Variants in NIPSNAP1 observed in about 807,000 individuals in gnomAD.
NIPSNAP1 encodes the protein nipsnap homolog 1, also known as protein NipSnap homolog 1.
NIPSNAP1 carries 25 observed loss-of-function variants against 49.2 expected under a neutral mutation model. That is an observed-to-expected ratio of 0.51 (90% CI 0.37 to 0.71). The LOEUF (loss-of-function observed/expected upper bound fraction) is 0.71, where lower values mean the gene tolerates loss of function less well. Ranked by LOEUF, NIPSNAP1 falls within the 30% of genes least tolerant of loss-of-function variation. The pLI is 0.00. For missense variants in NIPSNAP1, 294 were observed against 361.0 expected, an observed-to-expected ratio of 0.81 and a Z score of 1.50; for synonymous variants, 143 against 140.7, an observed-to-expected ratio of 1.02 and a Z score of -0.12.
intron 4 of NIPSNAP1, chr22:29,564,382 C>G (rs766983223): frequency 4.2e-6 from 2 of 470,740 alleles, no homozygotes. Context: ...CTGTGGAAAA[C>G]GGATTAACGG....
rs1168023897 is a variant in NIPSNAP1 at position 29,563,994 on chromosome 22, C to A, written c.368-2132G>T. Reference sequence around the variant, plus strand: ...TAAACCTCTGTTATTTTAAGCCACCCAGTTTGCGGTATGCTGGCCACCCCA... The same window carrying A: ...TAAACCTCTGTTATTTTAAGCCACCAAGTTTGCGGTATGCTGGCCACCCCA... On this transcript the variant is annotated intron_variant, in intron 4 of 9. Coordinates refer to ENST00000216121, the MANE Select transcript of NIPSNAP1 (RefSeq NM_003634.4). Among the ~76,000 whole-genome samples, 3 of 152,202 alleles carry A rather than the reference C, an allele frequency of 2.0e-5. No individual in the cohort carries two copies. In the East Asian group the frequency reaches 5.8e-4, roughly 29 times the overall value.
chr22:29,566,850 G>A (rs1053745501), intron 4 of NIPSNAP1, among the ~76,000 whole-genome samples: 2 of 151,990 alleles, frequency 1.3e-5, no homozygotes, highest in Admixed American at 6.6e-5. Flanking sequence ...TAGGCCAGGC[G>A]CAGTGGCTGA....
rs1033749553 is a variant in NIPSNAP1 at position 29,574,897 on chromosome 22, G to T, written c.99-4365C>A. 3.3e-4 allele frequency among the ~76,000 whole-genome samples: 50 copies of T among 152,254 alleles called. 1 individual carries two copies. The highest frequency in any genetic ancestry group is 3.1e-3 in the Admixed American group (48 of 15,274). On this transcript the variant is annotated intron_variant, in intron 1 of 9. Coordinates refer to ENST00000216121, the MANE Select transcript of NIPSNAP1 (RefSeq NM_003634.4). ...ATCTGTGATGTACTTTTCAGTTGCA[G>T]GATCTCACTGATTCTATGCAATGAT...
Position 29,581,083 on chromosome 22 carries a change from G to A in NIPSNAP1, c.-1C>T, listed in dbSNP as rs374126946. 381 of 1,541,578 alleles carry A rather than the reference G, an allele frequency of 2.5e-4. 1 individual carries two copies. In the Middle Eastern group the frequency reaches 2.9e-3, roughly 12 times the overall value. On this transcript the variant is annotated 5_prime_UTR_variant, in exon 1 of 10. Coordinates refer to ENST00000216121, the MANE Select transcript of NIPSNAP1 (RefSeq NM_003634.4). Reference sequence around the variant, plus strand: ...AGATGCTGCACAGCCGCGGAGCCATGTTGGAGCCGCAAAGGTTGCAGGAAG... The same window carrying A: ...AGATGCTGCACAGCCGCGGAGCCATATTGGAGCCGCAAAGGTTGCAGGAAG...
At chr22:29,563,330 G>A (rs953358889) in intron 4 of NIPSNAP1, among the ~76,000 whole-genome samples, 3 of 151,736 alleles carry the variant, frequency 2.0e-5, no homozygotes, top group South Asian at 4.2e-4. Context: ...GGAAATTTGA[G>A]ACCAGCCTCA....
At chr22:29,566,333 G>A (rs2064368255) in intron 4 of NIPSNAP1, among the ~76,000 whole-genome samples, 1 of 151,258 alleles carries the variant, frequency 6.6e-6, no homozygotes, top group Non-Finnish European at 1.5e-5. Flanking sequence ...TAGAGACAGG[G>A]TCCTCACTGT....
chr22:29,577,498 C>T (rs1342491514), intron 1 of NIPSNAP1, among the ~76,000 whole-genome samples: 1 of 151,006 alleles, frequency 6.6e-6, no homozygotes. Context: ...CAGCTCACTG[C>T]AACCTCCGCC....
intron 1 of NIPSNAP1, among the ~76,000 whole-genome samples, chr22:29,577,036 G>C (rs1486399018): frequency 6.6e-6 from 1 of 150,974 alleles, no homozygotes; most frequent in African/African-American, 2.5e-5. Flanking sequence ...CACAAGCTCT[G>C]GACAAATCCA....
Position 29,580,978 on chromosome 22 carries a change from C to T in NIPSNAP1, c.98+7G>A. 1 of 1,529,296 alleles carries T rather than the reference C, an allele frequency of 6.5e-7. No individual in the cohort carries two copies. The highest frequency in any genetic ancestry group is 8.7e-7 in the Non-Finnish European group (1 of 1,143,572). The allele number at this position is 1,529,296 out of a possible 1,614,324, so 94.7% of individuals were successfully genotyped here. ...GCGCGTCTATCCCTGCCTGGCCGGG[C>T]TCTCACCGCGCCGCAGCTGCAGACG... is the stretch of plus-strand genomic sequence containing the variant. On this transcript the variant is annotated splice_region_variant and intron_variant, in intron 1 of 9. Transcript: ENST00000216121.
Position 29,561,782 on chromosome 22 carries a change from A to G in NIPSNAP1, c.438+10T>C. 6.2e-7 allele frequency: 1 copy of G among 1,614,056 alleles called. No homozygotes were observed. Among genetic ancestry groups the G allele is most frequent in the Non-Finnish European group, 8.5e-7 (1 of 1,179,928 alleles). On this transcript the variant is annotated intron_variant, in intron 5 of 9. Transcript: ENST00000216121. ...ATCCAGAGAGGTGTGCTGAGTGGAC[A>G]CTAACATACCTTATTGTTTTTGAGC...
chr22:29,570,089 T>G (rs1205797822), intron 3 of NIPSNAP1, 73 bp downstream of exon 3: 1 of 1,186,758 alleles, frequency 8.4e-7, no homozygotes, highest in Non-Finnish European at 1.3e-6. Flanking sequence ...GGGTGGAGGA[T>G]GTTCCGCAAA....
intron 4 of NIPSNAP1, among the ~76,000 whole-genome samples, chr22:29,567,633 G>T (rs149378867): frequency 1.1e-3 from 173 of 151,362 alleles, no homozygotes; most frequent in South Asian, 4.2e-3. Flanking sequence ...TGGAAGGATC[G>T]CTTGAGCCCG....
intron 1 of NIPSNAP1, among the ~76,000 whole-genome samples, chr22:29,574,449 C>G (rs946800006): frequency 6.6e-6 from 1 of 151,886 alleles, no homozygotes; most frequent in Non-Finnish European, 1.5e-5. Context: ...CATGAACTCT[C>G]TCGATCATTG....
chr22:29,579,336 G>A (rs1361077466), intron 1 of NIPSNAP1, among the ~76,000 whole-genome samples: 9 of 120,732 alleles, frequency 7.5e-5, no homozygotes, highest in Non-Finnish European at 1.3e-4. Flanking sequence ...CACTCTTGTC[G>A]CCCAGGCTGG....
At chr22:29,572,459 T>A (rs1302768220) in intron 1 of NIPSNAP1, among the ~76,000 whole-genome samples, 1 of 151,834 alleles carries the variant, frequency 6.6e-6, no homozygotes, top group Non-Finnish European at 1.5e-5. Flanking sequence ...GGTCAGAGGA[T>A]CACTTGAGCC....
chr22:29,579,091 T>C (rs1211907554), intron 1 of NIPSNAP1, among the ~76,000 whole-genome samples: 6 of 150,664 alleles, frequency 4.0e-5, no homozygotes, highest in Non-Finnish European at 7.4e-5. Flanking sequence ...TTTTTTTTTG[T>C]AGACGGAGTC....
At chr22:29,563,425 G>C (rs1269218426) in intron 4 of NIPSNAP1, among the ~76,000 whole-genome samples, 3 of 152,112 alleles carry the variant, frequency 2.0e-5, no homozygotes, top group Admixed American at 2.0e-4. Flanking sequence ...TACTCAGGAG[G>C]CTGAGGCAAG....
intron 8 of NIPSNAP1, among the ~76,000 whole-genome samples, chr22:29,560,111 C>T (rs2064323795): frequency 6.6e-6 from 1 of 152,174 alleles, no homozygotes; most frequent in Non-Finnish European, 1.5e-5. Context: ...ATGCTTTTGC[C>T]TAGCAATTCA....
chr22:29,569,890 G>A, intron 3 of NIPSNAP1: 2 of 472,894 alleles, frequency 4.2e-6, no homozygotes, highest in East Asian at 8.4e-5. Flanking sequence ...TTGGGAGGCT[G>A]GAACAGGAGA....
Sources: gnomAD v4.1 joint callset for allele counts (sites outside exome capture counted in the v4.1 genomes callset) on GRCh38, gnomAD v4.1.1 for gene constraint, MANE v1.5 for transcripts, NCBI Gene and HGNC (gene_info 2026-07-23, HGNC 2026-07-21) for gene names.